Variants in MPP7 observed in about 807,000 individuals in gnomAD.
The protein encoded by MPP7 is MAGUK p55 subfamily member 7.
A neutral mutation model predicts 76.5 loss-of-function variants in MPP7; 60 were observed. The ratio of observed to expected loss-of-function variants is 0.78; its 90% CI spans 0.64 to 0.97. MPP7 has a LOEUF of 0.97. Ranked by LOEUF, MPP7 falls within the 50% of genes least tolerant of loss-of-function variation. The pLI is 0.00. For missense variants in MPP7, 641 were observed against 694.0 expected (o/e 0.92, Z 0.86); for synonymous variants, 237 against 244.5 (o/e 0.97, Z 0.29).
intron 11 of MPP7, among the ~76,000 whole-genome samples, chr10:28,096,060 T>C (rs967702724): frequency 1.3e-5 from 2 of 152,230 alleles, no homozygotes; most frequent in African/African-American, 4.8e-5. Context: ...ACTTGTTCAT[T>C]TATCATTTAA....
At chr10:28,196,608 A>C (rs917445519) in intron 3 of MPP7, among the ~76,000 whole-genome samples, 1 of 152,062 alleles carries the variant, frequency 6.6e-6, no homozygotes, top group African/African-American at 2.4e-5. Flanking sequence ...ATATATAAGA[A>C]CTGGTACCTG....
intron 3 of MPP7, among the ~76,000 whole-genome samples, chr10:28,198,886 T>C (rs1837678309): frequency 6.6e-6 from 1 of 152,196 alleles, no homozygotes; most frequent in Non-Finnish European, 1.5e-5. Flanking sequence ...TGAATTCTGA[T>C]ATCCTTCTAT....
intron 2 of MPP7, among the ~76,000 whole-genome samples, chr10:28,323,115 T>C (rs192462195): frequency 1.0e-3 from 157 of 152,088 alleles, no homozygotes; most frequent in African/African-American, 3.4e-3. Context: ...TGAAACCCCG[T>C]CTCTACTAAA....
At chr10:28,230,905 T>C (rs539035345) in intron 2 of MPP7, among the ~76,000 whole-genome samples, 1 of 152,254 alleles carries the variant, frequency 6.6e-6, no homozygotes, top group East Asian at 1.9e-4. Flanking sequence ...AATACTTCTC[T>C]TGGTAACTGA....
intron 6 of MPP7, among the ~76,000 whole-genome samples, chr10:28,126,417 C>T (rs193146317): frequency 3.9e-4 from 59 of 152,302 alleles, no homozygotes; most frequent in African/African-American, 1.3e-3. Flanking sequence ...ATATGCCCAA[C>T]GGCAGAAAAG....
intron 1 of MPP7, among the ~76,000 whole-genome samples, chr10:28,333,632 C>A (rs919006502): frequency 6.6e-6 from 1 of 152,190 alleles, no homozygotes; most frequent in Non-Finnish European, 1.5e-5. Context: ...AAGTCTAGTG[C>A]AAATTTGGCA....
intron 8 of MPP7, among the ~76,000 whole-genome samples, chr10:28,123,337 G>A (rs1834902850): frequency 6.6e-6 from 1 of 152,000 alleles, no homozygotes; most frequent in Non-Finnish European, 1.5e-5. Flanking sequence ...AATTTGTATT[G>A]CTATGATCTA....
At chr10:28,269,930 G>A (rs1840267686) in intron 1 of MPP7, among the ~76,000 whole-genome samples, 1 of 152,228 alleles carries the variant, frequency 6.6e-6, no homozygotes, top group Non-Finnish European at 1.5e-5. Context: ...TATCAGGACA[G>A]AAAGAGACCT....
intron 5 of MPP7, among the ~76,000 whole-genome samples, chr10:28,132,935 G>A (rs919324962): frequency 2.0e-5 from 3 of 148,016 alleles, no homozygotes; most frequent in Admixed American, 1.4e-4. Flanking sequence ...TATACCTAAA[G>A]GTTTTCTTTT....
chr10:28,200,104 G>T (rs1564696665), intron 3 of MPP7, among the ~76,000 whole-genome samples: 1 of 152,116 alleles, frequency 6.6e-6, no homozygotes, highest in Non-Finnish European at 1.5e-5. Context: ...AAAGCTGAAG[G>T]CTTCTATCCT....
intron 11 of MPP7, among the ~76,000 whole-genome samples, chr10:28,107,623 G>C (rs1454561697): frequency 6.6e-6 from 1 of 152,076 alleles, no homozygotes; most frequent in Admixed American, 6.6e-5. Context: ...TTACATCCTG[G>C]AGACTGTTTT....
At chr10:28,278,448 T>C (rs1361802576) in intron 1 of MPP7, among the ~76,000 whole-genome samples, 1 of 152,096 alleles carries the variant, frequency 6.6e-6, no homozygotes, top group Non-Finnish European at 1.5e-5. Context: ...CAAAGATTTT[T>C]AGGAAATGTT....
intron 2 of MPP7, among the ~76,000 whole-genome samples, chr10:28,222,084 A>AACAATTCT (rs544083855): frequency 6.6e-6 from 1 of 152,274 alleles, no homozygotes; most frequent in East Asian, 1.9e-4. Flanking sequence ...TTTAATATTG[A>AACAATTCT]ACAATTCTAC....
chr10:28,248,594 T>C (rs1479219161), intron 1 of MPP7, among the ~76,000 whole-genome samples: 1 of 152,184 alleles, frequency 6.6e-6, no homozygotes, highest in Admixed American at 6.5e-5. Flanking sequence ...TTCACTCTTC[T>C]TGTCTAGAGT....
chr10:28,213,205 C>T (rs1311812599), intron 2 of MPP7, among the ~76,000 whole-genome samples: 1 of 152,034 alleles, frequency 6.6e-6, no homozygotes, highest in East Asian at 1.9e-4. Flanking sequence ...CTTCTGAAGA[C>T]TTGGTTCAAC....
chr10:28,217,537 A>AAAAAAAAAAAAAAAG (rs1554852920), intron 2 of MPP7, among the ~76,000 whole-genome samples: 4 of 138,172 alleles, frequency 2.9e-5, no homozygotes, highest in Non-Finnish European at 6.1e-5. Flanking sequence ...AAAAAAAAAA[A>AAAAAAAAAAAAAAAG]AAAAGAAAAG....
intron 2 of MPP7, among the ~76,000 whole-genome samples, chr10:28,238,250 T>C (rs1254216551): frequency 2.0e-5 from 3 of 152,108 alleles, no homozygotes; most frequent in African/African-American, 7.2e-5. Context: ...ATAATATGGG[T>C]ATCACAGTAT....
intron 2 of MPP7, among the ~76,000 whole-genome samples, chr10:28,320,175 T>A (rs188331868): frequency 5.9e-5 from 9 of 152,164 alleles, no homozygotes; most frequent in Admixed American, 5.9e-4. Flanking sequence ...GAAACTAGTT[T>A]AAGGAGAGAA....
At chr10:28,077,351 G>A (rs1852543763) in intron 12 of MPP7, among the ~76,000 whole-genome samples, 1 of 152,112 alleles carries the variant, frequency 6.6e-6, no homozygotes, top group Non-Finnish European at 1.5e-5. Flanking sequence ...TTCAAAGGTA[G>A]AAGTATCCTC....
Sources: allele counts gnomAD v4.1 joint callset (sites outside exome capture counted in the v4.1 genomes callset), GRCh38; gene constraint gnomAD v4.1.1; transcripts MANE v1.5; gene names NCBI Gene and HGNC (gene_info 2026-07-23, HGNC 2026-07-21).